The following PFKP variants were observed in gnomAD, a reference collection of about 807,000 sequenced individuals.
PFKP encodes ATP-dependent 6-phosphofructokinase, platelet type.
Under a neutral mutation model 94.3 loss-of-function variants are expected in PFKP, and 101 were observed. The ratio of observed to expected loss-of-function variants is 1.07; its 90% confidence interval spans 0.91 to 1.26. The LOEUF (loss-of-function observed/expected upper bound fraction) is 1.26, where lower values mean the gene tolerates loss of function less well. PFKP is among the 50% of genes most tolerant of loss of function. PFKP has a pLI of 0.00. For synonymous variants in PFKP, 573 were observed against 432.6 expected (o/e 1.32, Z -4.03); for missense variants, 1,145 against 1,103.3 (o/e 1.04, Z -0.53).
In PFKP at chr10:3,101,356, C is replaced by A; in HGVS notation, c.265-9C>A. 1 of 1,571,054 alleles carries A rather than the reference C, an allele frequency of 6.4e-7. No homozygotes were observed. The highest frequency in any genetic ancestry group is 8.6e-7 in the Non-Finnish European group (1 of 1,157,882). Reference sequence around the variant, plus strand: ...TGAGAGGAGATAAATTAGCTGGTGTCTTTCCCAGGGCGGGACGATCATTGG... The same window carrying A: ...TGAGAGGAGATAAATTAGCTGGTGTATTTCCCAGGGCGGGACGATCATTGG... On this transcript the variant is annotated splice_polypyrimidine_tract_variant and intron_variant, in intron 3 of 21. Coordinates refer to ENST00000381125, the MANE Select transcript of PFKP (RefSeq NM_002627.5).
intron 3 of PFKP, among the ~76,000 whole-genome samples, chr10:3,100,052 GT>G (rs1300401698): frequency 4.0e-5 from 5 of 126,294 alleles, no homozygotes; most frequent in African/African-American, 2.0e-4. Flanking sequence ...ATGTGTAGGT[GT>G]GTGGTGTGTG....
intron 17 of PFKP, 22 bp from the exon 18 acceptor site, chr10:3,132,354 CTGAT>C (rs1338568026): frequency 5.1e-6 from 8 of 1,565,060 alleles, no homozygotes; most frequent in Admixed American, 1.7e-5. Flanking sequence ...AGTTTATTGT[CTGAT>C]TAACAAAATA....
At position 3,103,940 on chromosome 10, in the gene PFKP, C is replaced by G; in HGVS notation, c.616C>G (p.Gln206Glu). 1 of 1,613,410 alleles carries G rather than the reference C, an allele frequency of 6.2e-7. No homozygotes were observed. The highest frequency in any genetic ancestry group is 2.2e-5 in the East Asian group (1 of 44,854). The change falls in exon 5 of 22, where the codon CAG (glutamine) becomes GAG (glutamate). Residue 206 changes from glutamine to glutamate, a missense_variant. Gln to Glu is a conservative substitution (Grantham distance 29). Coordinates refer to ENST00000381125, the MANE Select transcript of PFKP (RefSeq NM_002627.5). ...EVVDAIMTTA[Q>E]SHQRTFVLEV... Reference sequence around the variant, plus strand: ...CGTCGACGCCATCATGACCACGGCCCAGAGGTAAAGCGCTCAGAGGAACCG... The same window carrying G: ...CGTCGACGCCATCATGACCACGGCCGAGAGGTAAAGCGCTCAGAGGAACCG...
chr10:3,069,559 A>C (rs1398853690), intron 1 of PFKP, among the ~76,000 whole-genome samples: 4 of 152,096 alleles, frequency 2.6e-5, no homozygotes, highest in African/African-American at 9.7e-5. Context: ...GGGCGGGTGG[A>C]AAGTCAGGGT....
intron 2 of PFKP, among the ~76,000 whole-genome samples, chr10:3,096,482 C>T (rs910946124): frequency 6.6e-6 from 1 of 152,168 alleles, no homozygotes; most frequent in African/African-American, 2.4e-5. Context: ...TACGGCCGCT[C>T]TACATCCCAG....
At position 3,097,656 on chromosome 10, in the gene PFKP, C is replaced by G. The variant is rs574699911; in HGVS notation, c.187-1619C>G. 3.9e-5 allele frequency among the ~76,000 whole-genome samples: 6 copies of G among 152,240 alleles called. No individual in the cohort carries two copies. The East Asian group carries it at 1.2e-3, about 29-fold the overall frequency. ...AACCAGCTCTGTTTTGGGTTCTGTT[C>G]CATTCCAGACTGTTTTCTCCTTTCT... is the stretch of plus-strand genomic sequence containing the variant. On this transcript the variant is annotated intron_variant, in intron 2 of 21. Coordinates refer to ENST00000381125, the MANE Select transcript of PFKP (RefSeq NM_002627.5).
chr10:3,132,243 C>G, intron 17 of PFKP, 137 bp from the exon 18 acceptor site: 1 of 645,234 alleles, frequency 1.5e-6, no homozygotes, highest in Non-Finnish European at 2.9e-6. Context: ...TCCCCAAGAC[C>G]CAAGCCGCGA....
intron 1 of PFKP, among the ~76,000 whole-genome samples, chr10:3,068,954 G>A (rs954810157): frequency 2.0e-5 from 3 of 152,108 alleles, no homozygotes; most frequent in African/African-American, 4.8e-5. Context: ...TGCCCACTGC[G>A]CGGGTGACCT....
intron 1 of PFKP, among the ~76,000 whole-genome samples, chr10:3,080,217 G>A (rs1832943534): frequency 6.6e-6 from 1 of 152,046 alleles, no homozygotes; most frequent in African/African-American, 2.4e-5. Context: ...GGTCATATTC[G>A]TGCTTTAGAA....
intron 20 of PFKP, 53 bp from the exon 21 acceptor site, chr10:3,135,683 C>T (rs1839182820): frequency 2.2e-5 from 24 of 1,090,540 alleles, no homozygotes; most frequent in Admixed American, 5.3e-5. Flanking sequence ...TTCTGCTCCC[C>T]CACCTGCCCA....
At chr10:3,132,808 G>T (rs924736250) in intron 18 of PFKP, among the ~76,000 whole-genome samples, 1 of 152,132 alleles carries the variant, frequency 6.6e-6, no homozygotes, top group Non-Finnish European at 1.5e-5. Context: ...TATACACGAG[G>T]TTGCTTCCAT....
At chr10:3,093,592 A>C (rs954929956) in intron 2 of PFKP, among the ~76,000 whole-genome samples, 4 of 151,792 alleles carry the variant, frequency 2.6e-5, no homozygotes, top group Non-Finnish European at 5.9e-5. Flanking sequence ...TTGTCCAACA[A>C]AATTGACACA....
In PFKP at chr10:3,136,759, G is replaced by A; in HGVS notation, c.*180G>A. The stretch of plus-strand genomic sequence containing the variant: ...TGGAGTGTGTCTCATGCTTTCAGAT[G>A]TGCATATGAGCAGAATTAATTAAAC... On this transcript the variant is annotated 3_prime_UTR_variant, in exon 22 of 22. Coordinates refer to ENST00000381125, the MANE Select transcript of PFKP (RefSeq NM_002627.5). 5.4e-6 allele frequency: 3 copies of A among 559,840 alleles called. No homozygotes were observed. The highest frequency in any genetic ancestry group is 9.3e-6 in the Non-Finnish European group (3 of 321,264). The allele number at this position is 559,840 out of a possible 1,614,324, so 34.7% of individuals were successfully genotyped here.
At chr10:3,084,262 C>G (rs549442034) in intron 2 of PFKP, among the ~76,000 whole-genome samples, 10 of 152,330 alleles carry the variant, frequency 6.6e-5, no homozygotes, top group Middle Eastern at 3.4e-3. Context: ...AGGCGGTGCT[C>G]TAGCTCCCAT....
rs1491039339 is a variant in PFKP, at chr10:3,077,259, TTC to T, written c.113-5127_113-5126del. ...TTCATCTATTCTTTACTTTTTTTTT[TTC>T]TTTTTTTTTTTTTTTTTTTGAGATG... On this transcript the variant is annotated intron_variant, in intron 1 of 21. Transcript: ENST00000381125. Among the ~76,000 whole-genome samples the T allele has an allele frequency of 5.9e-4, 43 of 73,486 alleles. 2 individuals are homozygous for T. Among genetic ancestry groups the T allele is most frequent in the South Asian group, 1.2e-3 (3 of 2,570 alleles). 48.2% of individuals were successfully genotyped at this position (73,486 alleles called of 152,430 possible).
At chr10:3,073,892 C>T (rs1350462474) in intron 1 of PFKP, among the ~76,000 whole-genome samples, 2 of 152,126 alleles carry the variant, frequency 1.3e-5, no homozygotes, top group Non-Finnish European at 2.9e-5. Context: ...GCCTGGAGTG[C>T]AGTGGCTTGA....
At chr10:3,067,852 C>T (rs970613412) in intron 1 of PFKP, 145 bp downstream of exon 1, 1 of 449,668 alleles carries the variant, frequency 2.2e-6, no homozygotes, top group East Asian at 3.8e-5. Flanking sequence ...TGGGGAGAAC[C>T]GGGGAGAAGA....
chr10:3,077,251 T>TC (rs1832670975), intron 1 of PFKP, among the ~76,000 whole-genome samples: 2 of 110,918 alleles, frequency 1.8e-5, no homozygotes, highest in African/African-American at 3.4e-5. Flanking sequence ...ATTCTTTACT[T>TC]TTTTTTTTTC....
rs868558686 is a variant in PFKP, at chr10:3,134,652, C to T, written c.2122+70C>T. 1.9e-5 allele frequency: 19 copies of T among 980,306 alleles called. No individual in the cohort carries two copies. The Middle Eastern group carries it at 2.8e-3, about 142-fold the overall frequency. The allele number at this position is 980,306 out of a possible 1,614,324, so 60.7% of individuals were successfully genotyped here. On this transcript the variant is annotated intron_variant, in intron 20 of 21. Transcript: ENST00000381125. The stretch of plus-strand genomic sequence containing the variant: ...GTCCTGCCTTGGTGAAAATGCTGTC[C>T]TATCGGGGAGAAGTAGGGTGCTGGT...
Sources: gnomAD v4.1 joint callset for allele counts (sites outside exome capture counted in the v4.1 genomes callset) on GRCh38, gnomAD v4.1.1 for gene constraint, MANE v1.5 for transcripts, NCBI Gene and HGNC (gene_info 2026-07-23, HGNC 2026-07-21) for gene names.